Variants in C2CD2 observed in about 807,000 individuals in gnomAD.
C2CD2 encodes the protein C2 calcium dependent domain containing 2, also known as C2 domain-containing protein 2.
A neutral mutation model predicts 74.3 loss-of-function variants in C2CD2; 43 were observed. The observed-to-expected ratio is 0.58, with a 90% CI of 0.45 to 0.75. The LOEUF (loss-of-function observed/expected upper bound fraction) is 0.75. Ranked by LOEUF, C2CD2 falls within the 30% of genes least tolerant of loss-of-function variation. The pLI, the probability that C2CD2 is intolerant of heterozygous loss-of-function variation, is 0.00. For synonymous variants in C2CD2, 422 were observed against 390.7 expected, an observed-to-expected ratio of 1.08 and a Z score of -0.94; for missense variants, 801 against 916.3, an observed-to-expected ratio of 0.87 and a Z score of 1.63.
At chr21:41,915,377 G>A (rs1294322034) in intron 5 of C2CD2, among the ~76,000 whole-genome samples, 1 of 152,100 alleles carries the variant, frequency 6.6e-6, no homozygotes, top group East Asian at 1.9e-4. Context: ...AAATCTGGAA[G>A]AGCCCAGCTT....
chr21:41,947,282 C>G (rs1422624690), intron 1 of C2CD2, among the ~76,000 whole-genome samples: 1 of 151,662 alleles, frequency 6.6e-6, no homozygotes. Flanking sequence ...CTCAGCATCC[C>G]GAGTAGCTGG....
rs1464184206 is a variant in C2CD2, at chr21:41,903,945, G to A, written c.1432+1779C>T. Among the ~76,000 whole-genome samples the A allele has an allele frequency of 1.3e-5, 2 of 152,182 alleles. No individual in the cohort carries two copies. Among genetic ancestry groups the A allele is most frequent in the African/African-American group, 2.4e-5 (1 of 41,452 alleles). ...CAGGGGCAGCGGCAAAAGCATCAGC[G>A]GCATTAGTACCAGAGCGGCTCCAGC... On this transcript the variant is annotated intron_variant, in intron 11 of 13. Transcript: ENST00000380486. This position sits in a 1 kb window ranked among gnomAD's most constrained non-coding sequence, Gnocchi z 4.5.
chr21:41,949,213 C>G (rs998804398), intron 1 of C2CD2, among the ~76,000 whole-genome samples: 4 of 152,176 alleles, frequency 2.6e-5, no homozygotes, highest in African/African-American at 9.6e-5. Flanking sequence ...GACTGTAGGA[C>G]AGCAGTCCCG....
chr21:41,906,869 T>C (rs1465325505), intron 10 of C2CD2, 123 bp downstream of exon 10: 2 of 691,440 alleles, frequency 2.9e-6, no homozygotes, highest in African/African-American at 1.8e-5. Context: ...GCACCCTTCC[T>C]GTGCTGTGAG....
chr21:41,916,287 G>A (rs2065089667), intron 5 of C2CD2, among the ~76,000 whole-genome samples: 1 of 152,146 alleles, frequency 6.6e-6, no homozygotes, highest in South Asian at 2.1e-4. Context: ...ATGATTCTGG[G>A]TGTGACTGAC....
Position 41,905,774 on chromosome 21 carries a change from A to G in C2CD2, c.1382T>C (p.Ile461Thr), listed in dbSNP as rs1223717728. The change falls in exon 11 of 14, where the codon ATC (isoleucine) becomes ACC (threonine). Residue 461 changes from isoleucine (I) to threonine (T), a missense_variant. Ile to Thr is a moderately conservative substitution (Grantham distance 89). Coordinates refer to ENST00000380486, the MANE Select transcript of C2CD2 (RefSeq NM_015500.2). ...VIEKDISVQAIACRSAPVSKT... is the reference protein window; with the variant it reads ...VIEKDISVQATACRSAPVSKT... The stretch of plus-strand genomic sequence containing the variant: ...GCTGACGGGGGCGCTGCGGCAGGCG[A>G]TGGCCTGGACAGAGATGTCCTTCTC... 1 of 1,612,936 alleles carries G rather than the reference A, an allele frequency of 6.2e-7. No homozygotes were observed. Among genetic ancestry groups the G allele is most frequent in the Non-Finnish European group, 8.5e-7 (1 of 1,179,016 alleles).
At chr21:41,904,154 A>G (rs913155231) in intron 11 of C2CD2, among the ~76,000 whole-genome samples, 6 of 152,200 alleles carry the variant, frequency 3.9e-5, no homozygotes, top group Admixed American at 3.9e-4. Flanking sequence ...GACGGCAATG[A>G]GAGTGACCTC....
chr21:41,936,144 T>C (rs1237110864), intron 2 of C2CD2, among the ~76,000 whole-genome samples: 1 of 152,050 alleles, frequency 6.6e-6, no homozygotes, highest in Non-Finnish European at 1.5e-5. Flanking sequence ...CAAGGAACCA[T>C]CAACGGAGTG....
At position 41,926,498 on chromosome 21, in the gene C2CD2, G is replaced by A; in HGVS notation, c.379-4413C>T. 1 of 696,800 alleles carries A rather than the reference G, an allele frequency of 1.4e-6. No homozygotes were observed. The highest frequency in any genetic ancestry group is 1.8e-6 in the Non-Finnish European group (1 of 566,148). 43.2% of individuals were successfully genotyped at this position (696,800 alleles called of 1,614,324 possible). On this transcript the variant is annotated intron_variant, in intron 2 of 13. Transcript: ENST00000380486. The surrounding 1 kb of genome is among the most constrained non-coding windows in gnomAD (Gnocchi z 8.0). The stretch of plus-strand genomic sequence containing the variant: ...AAGACTGAAGGCTGAAGAGCAGGCT[G>A]AGCGGGGAGGCCTTCATTCACCTTC...
intron 2 of C2CD2, among the ~76,000 whole-genome samples, chr21:41,931,919 CCCCA>C (rs2065265396): frequency 1.0e-4 from 8 of 79,974 alleles, no homozygotes; most frequent in African/African-American, 2.8e-4. Flanking sequence ...CATCCCACCA[CCCCA>C]CCTCCAGCAT....
At chr21:41,912,259 A>G in intron 7 of C2CD2, 73 bp downstream of exon 7, 1 of 850,480 alleles carries the variant, frequency 1.2e-6, no homozygotes, top group Admixed American at 2.0e-5. Flanking sequence ...GTGCTGCAGA[A>G]TGATTTCAGG....
In C2CD2 at chr21:41,899,191, C is replaced by G. The variant is rs1219973768; in HGVS notation, c.1732G>C (p.Glu578Gln). 4 of 1,612,566 alleles carry G rather than the reference C, an allele frequency of 2.5e-6. No homozygotes were observed. Residue 578 changes from glutamate (E) to glutamine (Q), a missense_variant, in exon 13 of 14, where the codon GAG becomes CAG. Transcript: ENST00000380486. This position sits in a 1 kb window ranked among gnomAD's most constrained non-coding sequence, Gnocchi z 4.4. ...ASLAPKPQED[E>Q]LDSWDLEKEP... ...TTCTCCAAGTCCCAGGAGTCTAGCT[C>G]GTCCTCCTGGGGCTTGGGGGCAAGG...
intron 2 of C2CD2, among the ~76,000 whole-genome samples, chr21:41,940,013 A>T (rs2065341719): frequency 6.6e-6 from 1 of 152,182 alleles, no homozygotes; most frequent in Non-Finnish European, 1.5e-5. Context: ...CAAAATCTGA[A>T]ACTTTTTGAG....
chr21:41,905,594 G>A lies in C2CD2; in HGVS notation c.1432+130C>T, dbSNP rs374388574. 600 of 590,314 alleles carry A rather than the reference G, an allele frequency of 1.0e-3. 1 individual carries two copies. The African/African-American group carries it at 0.01, about 10-fold the overall frequency. The allele number at this position is 590,314 out of a possible 1,614,324, so 36.6% of individuals were successfully genotyped here. A position where few individuals can be genotyped will look rare whatever the true frequency, so the allele number is the denominator to read the frequency against. ...CAGCCTCCCAAAGTGCTGAGATTAC[G>A]GGTGTGAGCCACCACACCAGGCCCA... On this transcript the variant is annotated intron_variant, in intron 11 of 13. Coordinates refer to ENST00000380486, the MANE Select transcript of C2CD2 (RefSeq NM_015500.2).
Position 41,922,029 on chromosome 21 carries a change from A to C in C2CD2, c.435T>G (p.Pro145=). Residue 145 remains proline, a synonymous_variant, in exon 3 of 14, where the codon CCT becomes CCG. Transcript: ENST00000380486. ...ACAGCCGGCATCCAGCACCCAAGGC[A>C]GGCGTCTCGCTGACCAAGAACTGAA... is the stretch of plus-strand genomic sequence containing the variant. ...QAIQFLVSET[P]ALGAGCRLYD... 6.2e-7 allele frequency: 1 copy of C among 1,614,192 alleles called. No homozygotes were observed. Among genetic ancestry groups the C allele is most frequent in the Non-Finnish European group, 8.5e-7 (1 of 1,180,002 alleles).
In C2CD2 at chr21:41,888,732, G is replaced by A. The variant is rs1017919450; in HGVS notation, c.*392C>T. On this transcript the variant is annotated 3_prime_UTR_variant, in exon 14 of 14. Transcript: ENST00000380486. The stretch of plus-strand genomic sequence containing the variant: ...CCTTTTTGTGACATGGTCCAGGCAT[G>A]GACCCAAAACAACACTTGTTAGTGT... 1.8e-5 allele frequency: 4 copies of A among 227,778 alleles called. No individual in the cohort carries two copies. The highest frequency in any genetic ancestry group is 8.9e-5 in the African/African-American group (4 of 44,722). 14.1% of individuals were successfully genotyped at this position (227,778 alleles called of 1,614,324 possible). A position where few individuals can be genotyped will look rare whatever the true frequency, so the allele number is the denominator to read the frequency against.
chr21:41,936,987 T>A (rs1348176280), intron 2 of C2CD2, among the ~76,000 whole-genome samples: 1 of 151,138 alleles, frequency 6.6e-6, no homozygotes, highest in Non-Finnish European at 1.5e-5. Context: ...CCTGGCTAAT[T>A]TTTGTACTTT....
At chr21:41,931,847 C>T (rs1360231665) in intron 2 of C2CD2, among the ~76,000 whole-genome samples, 7 of 146,642 alleles carry the variant, frequency 4.8e-5, no homozygotes, top group Non-Finnish European at 9.2e-5. Context: ...CTCCAACATC[C>T]CACCACTCCA....
intron 2 of C2CD2, among the ~76,000 whole-genome samples, chr21:41,934,722 C>G (rs949444119): frequency 1.3e-5 from 2 of 152,168 alleles, no homozygotes; most frequent in Non-Finnish European, 2.9e-5. Flanking sequence ...ATCCTCATAG[C>G]CCGTCTAGGG....
Sources: gnomAD v4.1 joint callset for allele counts (sites outside exome capture counted in the v4.1 genomes callset) on GRCh38, gnomAD v4.1.1 for gene constraint, Gnocchi (gnomAD v3.1) non-coding constraint, MANE v1.5 for transcripts, NCBI Gene and HGNC (gene_info 2026-07-23, HGNC 2026-07-21) for gene names.